Variants in PIEZO2 observed in about 807,000 individuals in gnomAD.
PIEZO2 encodes the protein piezo-type mechanosensitive ion channel component 2.
A neutral mutation model predicts 337.3 loss-of-function variants in PIEZO2; 172 were observed. The observed-to-expected ratio is 0.51, with a 90% CI of 0.45 to 0.58. PIEZO2 has a LOEUF of 0.58. Ranked by LOEUF, PIEZO2 falls within the 20% of genes least tolerant of loss-of-function variation. PIEZO2 has a pLI of 0.00. For missense variants in PIEZO2, 3,028 were observed against 3,391.3 expected, an observed-to-expected ratio of 0.89 and a Z score of 2.66; for synonymous variants, 1,251 against 1,228.5, an observed-to-expected ratio of 1.02 and a Z score of -0.38.
At position 10,982,073 on chromosome 18, in the gene PIEZO2, T is replaced by G. The variant is rs7504846; in HGVS notation, c.161-2413A>C. Among the ~76,000 whole-genome samples, 36 of 152,280 alleles carry G rather than the reference T, an allele frequency of 2.4e-4. No homozygotes were observed. The highest frequency in any genetic ancestry group is 7.7e-4 in the African/African-American group (32 of 41,534). On this transcript the variant is annotated intron_variant, in intron 2 of 55. Coordinates refer to ENST00000674853, the MANE Select transcript of PIEZO2 (RefSeq NM_001378183.1). The surrounding 1 kb of genome is among the most constrained non-coding windows in gnomAD (Gnocchi z 4.1). ...GGGTCAAATTTCAACATGAGACCTG[T>G]TGAGATGTCAAACATCCAAACTGCA... is the stretch of plus-strand genomic sequence containing the variant.
intron 39 of PIEZO2, among the ~76,000 whole-genome samples, chr18:10,712,819 A>G (rs969853457): frequency 6.6e-6 from 1 of 152,250 alleles, no homozygotes; most frequent in African/African-American, 2.4e-5. Context: ...TATTCTATGA[A>G]TTAAAACTTT....
At chr18:10,960,548 C>CA (rs1195446179) in intron 3 of PIEZO2, among the ~76,000 whole-genome samples, 1 of 133,056 alleles carries the variant, frequency 7.5e-6, no homozygotes, top group Non-Finnish European at 1.6e-5. Flanking sequence ...CTACTGTAGC[C>CA]ACAAAGACTT....
intron 3 of PIEZO2, among the ~76,000 whole-genome samples, chr18:10,930,423 C>T (rs1345636711): frequency 6.6e-6 from 1 of 151,758 alleles, no homozygotes; most frequent in Non-Finnish European, 1.5e-5. Flanking sequence ...TTAAATCCAC[C>T]TATGACTTAG....
At chr18:10,802,972 C>CAAA (rs71362185) in intron 9 of PIEZO2, among the ~76,000 whole-genome samples, 5 of 127,524 alleles carry the variant, frequency 3.9e-5, no homozygotes, top group African/African-American at 9.0e-5. Context: ...ACTCTGTTGC[C>CAAA]AAAAAAAAAA....
chr18:10,809,489 T>C (rs1247988948), intron 7 of PIEZO2, among the ~76,000 whole-genome samples: 1 of 151,822 alleles, frequency 6.6e-6, no homozygotes, highest in East Asian at 1.9e-4. Flanking sequence ...AGGATGGTCT[T>C]GATCTCTTGA....
At chr18:11,136,920 G>A (rs2040505854) in intron 1 of PIEZO2, among the ~76,000 whole-genome samples, 1 of 152,172 alleles carries the variant, frequency 6.6e-6, no homozygotes, top group African/African-American at 2.4e-5. Flanking sequence ...ATCATCCTGT[G>A]TTCTTATACG....
chr18:11,096,665 C>T lies in PIEZO2; in HGVS notation c.65-30443G>A, dbSNP rs1257282259. ...TCATCTCCCCCACCCAACACACACACGTATCTACCTCTTGTCTTTCAAGGA... is the reference window on the plus strand; with the variant it reads ...TCATCTCCCCCACCCAACACACACATGTATCTACCTCTTGTCTTTCAAGGA... On this transcript the variant is annotated intron_variant, in intron 1 of 55. Transcript: ENST00000674853. The surrounding 1 kb of genome is among the most constrained non-coding windows in gnomAD (Gnocchi z 4.6). Among the ~76,000 whole-genome samples the T allele has an allele frequency of 6.6e-6, 1 of 152,148 alleles. No individual in the cohort carries two copies. The highest frequency in any genetic ancestry group is 1.5e-5 in the Non-Finnish European group (1 of 68,030).
intron 9 of PIEZO2, among the ~76,000 whole-genome samples, chr18:10,802,972 CAAAAA>C (rs71362185): frequency 1.6e-5 from 2 of 127,524 alleles, no homozygotes; most frequent in African/African-American, 3.0e-5. Context: ...ACTCTGTTGC[CAAAAA>C]AAAAAAAAAA....
chr18:10,912,915 T>G (rs1428692967), intron 3 of PIEZO2, among the ~76,000 whole-genome samples: 1 of 152,102 alleles, frequency 6.6e-6, no homozygotes, highest in Non-Finnish European at 1.5e-5. Context: ...TATTTTCACA[T>G]GAAGTCACTC....
chr18:10,951,219 C>A (rs2033280835), intron 3 of PIEZO2, among the ~76,000 whole-genome samples: 1 of 152,258 alleles, frequency 6.6e-6, no homozygotes, highest in African/African-American at 2.4e-5. Context: ...TTACTAATAC[C>A]AAAGAACTTT....
At position 11,078,887 on chromosome 18, in the gene PIEZO2, G is replaced by A. The variant is rs1211463571; in HGVS notation, c.65-12665C>T. On this transcript the variant is annotated intron_variant, in intron 1 of 55. Coordinates refer to ENST00000674853, the MANE Select transcript of PIEZO2 (RefSeq NM_001378183.1). The surrounding 1 kb of genome is among the most constrained non-coding windows in gnomAD (Gnocchi z 5.3). ...TGGAGAGGGGTGAAAAAGAATCCTT[G>A]CAGGGACCAGTCTAAAGAGATGTTT... 6.6e-6 allele frequency among the ~76,000 whole-genome samples: 1 copy of A among 152,178 alleles called. No individual in the cohort carries two copies. The highest frequency in any genetic ancestry group is 1.5e-5 in the Non-Finnish European group (1 of 68,034).
chr18:10,758,275 C>A (rs1371715036), intron 26 of PIEZO2, 141 bp from the exon 27 acceptor site: 14 of 1,022,100 alleles, frequency 1.4e-5, no homozygotes, highest in Non-Finnish European at 1.8e-5. Context: ...AAAATTCATC[C>A]TGGAGTCCAA....
intron 2 of PIEZO2, among the ~76,000 whole-genome samples, chr18:10,987,218 T>G (rs1455113189): frequency 6.6e-6 from 1 of 152,086 alleles, no homozygotes; most frequent in Non-Finnish European, 1.5e-5. Flanking sequence ...TCTTAACATA[T>G]GTATGGAACC....
chr18:10,946,563 G>A (rs1598732678), intron 3 of PIEZO2, among the ~76,000 whole-genome samples: 1 of 152,272 alleles, frequency 6.6e-6, no homozygotes, highest in East Asian at 1.9e-4. Flanking sequence ...GTGCTCAATA[G>A]TCACTAAGAC....
At chr18:11,133,532 C>T (rs531491355) in intron 1 of PIEZO2, among the ~76,000 whole-genome samples, 1 of 152,244 alleles carries the variant, frequency 6.6e-6, no homozygotes, top group Non-Finnish European at 1.5e-5. Context: ...CTAGGGAAGG[C>T]AGATCCACCC....
intron 5 of PIEZO2, among the ~76,000 whole-genome samples, chr18:10,869,014 A>G (rs142871735): frequency 1.3e-5 from 2 of 152,370 alleles, no homozygotes; most frequent in African/African-American, 4.8e-5. Flanking sequence ...TTAAGTTTCA[A>G]TAATTCTAAG....
intron 5 of PIEZO2, among the ~76,000 whole-genome samples, chr18:10,867,396 G>A (rs1288913064): frequency 6.6e-6 from 1 of 152,188 alleles, no homozygotes; most frequent in Non-Finnish European, 1.5e-5. Flanking sequence ...GCTGTGACAG[G>A]CTAATAGACA....
intron 2 of PIEZO2, among the ~76,000 whole-genome samples, chr18:11,013,452 C>A (rs765360569): frequency 1.3e-5 from 2 of 152,108 alleles, no homozygotes; most frequent in Non-Finnish European, 2.9e-5. Flanking sequence ...TGTCTTAAGC[C>A]GCCAAGTTTG....
intron 40 of PIEZO2, among the ~76,000 whole-genome samples, chr18:10,706,507 C>T (rs544692506): frequency 3.9e-5 from 6 of 152,288 alleles, no homozygotes; most frequent in South Asian, 2.1e-4. Flanking sequence ...CCCCAGGGTG[C>T]GCTTCTGTTC....
Sources: allele counts gnomAD v4.1 joint callset (sites outside exome capture counted in the v4.1 genomes callset), GRCh38; gene constraint gnomAD v4.1.1; non-coding constraint Gnocchi (gnomAD v3.1); transcripts MANE v1.5; gene names NCBI Gene and HGNC (gene_info 2026-07-23, HGNC 2026-07-21).